INIP: variants seen among roughly 807,000 people sequenced by gnomAD.
INIP encodes the protein INTS3 and NABP interacting protein, also known as SOSS complex subunit C.
Under a neutral mutation model 14.0 loss-of-function variants are expected in INIP, and 9 were observed. The observed-to-expected ratio is 0.64, with a 90% CI of 0.39 to 1.12. The LOEUF is 1.12. Among genes scored for constraint, INIP ranks in the 50% most tolerant of loss-of-function variants. The probability of loss-of-function intolerance (pLI) is 0.01; values close to 1 mark genes in which losing one functional copy is unlikely to be tolerated. For missense variants in INIP, 78 were observed against 122.7 expected, an observed-to-expected ratio of 0.64 and a Z score of 1.72; for synonymous variants, 37 against 41.5, an observed-to-expected ratio of 0.89 and a Z score of 0.41.
At position 112,691,188 on chromosome 9, in the gene INIP, G is replaced by C. The variant is rs1407989034; in HGVS notation, c.129-1571C>G. Among the ~76,000 whole-genome samples the C allele has an allele frequency of 2.0e-5, 3 of 152,222 alleles. No individual in the cohort carries two copies. The East Asian group carries it at 5.8e-4, about 29-fold the overall frequency. The stretch of plus-strand genomic sequence containing the variant: ...GCCAGGAATCAGGATAGCATCAGTA[G>C]CAATGAAGGAAATGGTCAGATGTGA... On this transcript the variant is annotated intron_variant, in intron 3 of 4. Coordinates refer to ENST00000374242, the MANE Select transcript of INIP (RefSeq NM_021218.3).
Position 112,706,603 on chromosome 9 carries a change from C to CT in INIP, c.25+9857dup, listed in dbSNP as rs1329464326. ...CTTAATTTCAGGGTTCAAACTTACT[C>CT]TAACTAGGGCATCAATATATAACTT... On this transcript the variant is annotated intron_variant, in intron 2 of 4. Coordinates refer to ENST00000374242, the MANE Select transcript of INIP (RefSeq NM_021218.3). Among the ~76,000 whole-genome samples, 3 of 152,114 alleles carry CT rather than the reference C, an allele frequency of 2.0e-5. No individual in the cohort carries two copies. The East Asian group carries it at 5.8e-4, about 29-fold the overall frequency.
chr9:112,697,976 T>A (rs192373068), intron 2 of INIP, among the ~76,000 whole-genome samples: 17 of 152,292 alleles, frequency 1.1e-4, no homozygotes, highest in African/African-American at 3.8e-4. Flanking sequence ...GCTTAAAGTA[T>A]CCCAAAACAG....
At chr9:112,706,541 A>C (rs1224435055) in intron 2 of INIP, among the ~76,000 whole-genome samples, 1 of 152,070 alleles carries the variant, frequency 6.6e-6, no homozygotes, top group Non-Finnish European at 1.5e-5. Context: ...GGCATGAGCC[A>C]CCACACCCAG....
At chr9:112,702,604 C>T (rs1166188184) in intron 2 of INIP, among the ~76,000 whole-genome samples, 5 of 152,052 alleles carry the variant, frequency 3.3e-5, no homozygotes, top group Admixed American at 1.3e-4. Context: ...CTCGCTCTGT[C>T]GCCAGGCTGG....
chr9:112,710,335 G>GA (rs1269107733), intron 2 of INIP, among the ~76,000 whole-genome samples: 1 of 151,920 alleles, frequency 6.6e-6, no homozygotes, highest in Admixed American at 6.6e-5. Context: ...CTGTAAAATT[G>GA]AAAAAAATAA....
At chr9:112,696,033 G>A (rs1275941569) in intron 2 of INIP, among the ~76,000 whole-genome samples, 2 of 151,924 alleles carry the variant, frequency 1.3e-5, no homozygotes, top group Admixed American at 1.3e-4. Flanking sequence ...GACTACAGGT[G>A]TGAGCCAGCA....
At chr9:112,693,386 G>A (rs1466741942) in intron 3 of INIP, among the ~76,000 whole-genome samples, 1 of 152,112 alleles carries the variant, frequency 6.6e-6, no homozygotes, top group Non-Finnish European at 1.5e-5. Context: ...AGCAGCAGAG[G>A]ACTCTGCCAA....
At chr9:112,707,259 T>A (rs1403892820) in intron 2 of INIP, among the ~76,000 whole-genome samples, 2 of 149,800 alleles carry the variant, frequency 1.3e-5, no homozygotes, top group Admixed American at 6.6e-5. Flanking sequence ...TTTTTTTTTT[T>A]AAACCAAGCC....
intron 2 of INIP, among the ~76,000 whole-genome samples, chr9:112,713,281 A>T (rs1325005493): frequency 1.3e-5 from 2 of 152,246 alleles, no homozygotes; most frequent in Admixed American, 1.3e-4. Context: ...TAGAATGGCT[A>T]AAATTAACGA....
intron 4 of INIP, among the ~76,000 whole-genome samples, chr9:112,688,942 T>C (rs1588070367): frequency 1.3e-5 from 2 of 150,960 alleles, no homozygotes; most frequent in African/African-American, 4.9e-5. Flanking sequence ...GATTAAATTA[T>C]GCCTATGGGA....
In INIP at chr9:112,715,413, AACTTT is replaced by A. The variant is rs529212503; in HGVS notation, c.25+1043_25+1047del. ...TAATACATTAACCTTAGCTTACTGT[AACTTT>A]ACTTTATAAACTTTTAAATTTTTTT... is the stretch of plus-strand genomic sequence containing the variant. On this transcript the variant is annotated intron_variant, in intron 2 of 4. Transcript: ENST00000374242. Among the ~76,000 whole-genome samples the A allele has an allele frequency of 6.1e-3, 929 of 152,334 alleles. 3 individuals carry two copies. Among genetic ancestry groups the A allele is most frequent in the Non-Finnish European group, 9.7e-3 (658 of 68,024 alleles).
chr9:112,716,598 A>G (rs1838825243), intron 1 of INIP, 57 bp from the exon 2 acceptor site: 2 of 867,884 alleles, frequency 2.3e-6, no homozygotes, highest in Admixed American at 3.7e-5. Flanking sequence ...ACAAACTAAA[A>G]GGAACAGCTA....
chr9:112,705,627 T>A (rs958423102), intron 2 of INIP, among the ~76,000 whole-genome samples: 12 of 152,128 alleles, frequency 7.9e-5, no homozygotes, highest in African/African-American at 1.9e-4. Context: ...TTTAAAAAAA[T>A]TTTATTTTAG....
At position 112,687,882 on chromosome 9, in the gene INIP, G is replaced by A. The variant is rs189205784; in HGVS notation, c.220-249C>T. The stretch of plus-strand genomic sequence containing the variant: ...GGGCGAATCACGAGGTCAGGAGATC[G>A]AGACCATCCTGGCTAACGTGGTGAA... On this transcript the variant is annotated intron_variant, in intron 4 of 4. Coordinates refer to ENST00000374242, the MANE Select transcript of INIP (RefSeq NM_021218.3). 2.3e-3 allele frequency among the ~76,000 whole-genome samples: 350 copies of A among 152,106 alleles called. 3 individuals carry two copies. Among genetic ancestry groups the A allele is most frequent in the African/African-American group, 7.5e-3 (313 of 41,504 alleles).
chr9:112,714,799 C>T (rs1159022236), intron 2 of INIP, among the ~76,000 whole-genome samples: 1 of 152,152 alleles, frequency 6.6e-6, no homozygotes, highest in Non-Finnish European at 1.5e-5. Flanking sequence ...AACAGGGATA[C>T]ATTCTGAGAA....
chr9:112,707,519 T>C (rs1002854787), intron 2 of INIP, among the ~76,000 whole-genome samples: 1 of 151,774 alleles, frequency 6.6e-6, no homozygotes, highest in Non-Finnish European at 1.5e-5. Flanking sequence ...TTCTTTTTTT[T>C]CCTCCCGCAC....
chr9:112,708,706 A>AT (rs572033110), intron 2 of INIP, among the ~76,000 whole-genome samples: 8,733 of 151,518 alleles, frequency 0.058, 345 homozygotes, highest in Non-Finnish European at 0.088. Context: ...CATTTTCTTT[A>AT]TTTTTTTTGA....
At chr9:112,687,743 G>T in intron 4 of INIP, 110 bp from the exon 5 acceptor site, 1 of 538,758 alleles carries the variant, frequency 1.9e-6, no homozygotes, top group South Asian at 3.3e-5. Flanking sequence ...AAATTTATTT[G>T]TTTATTCATT....
At chr9:112,711,239 T>G (rs1838640383) in intron 2 of INIP, among the ~76,000 whole-genome samples, 1 of 152,084 alleles carries the variant, frequency 6.6e-6, no homozygotes, top group South Asian at 2.1e-4. Context: ...ATTTTAAAAT[T>G]TCACTGGAGT....
Sources: allele counts gnomAD v4.1 joint callset (sites outside exome capture counted in the v4.1 genomes callset), GRCh38; gene constraint gnomAD v4.1.1; transcripts MANE v1.5; gene names NCBI Gene and HGNC (gene_info 2026-07-23, HGNC 2026-07-21).